Variants in ANKH observed in about 807,000 individuals in gnomAD.
ANKH encodes the protein ANKH inorganic pyrophosphate transport regulator.
In ANKH, 15 loss-of-function variants were observed where a neutral mutation model predicts 49.0. The observed-to-expected ratio is 0.31, with a 90% CI of 0.20 to 0.47. The LOEUF (loss-of-function observed/expected upper bound fraction) is 0.47, where lower values mean the gene tolerates loss of function less well. Among genes scored for constraint, ANKH ranks in the 20% least tolerant of loss-of-function variants. The probability of loss-of-function intolerance (pLI) is 1.00; values close to 1 mark genes in which losing one functional copy is unlikely to be tolerated. For synonymous variants in ANKH, 273 were observed against 260.0 expected, an observed-to-expected ratio of 1.05 and a Z score of -0.48; for missense variants, 429 against 652.0, an observed-to-expected ratio of 0.66 and a Z score of 3.72.
intron 8 of ANKH, among the ~76,000 whole-genome samples, chr5:14,724,319 AAAC>A (rs59535616): frequency 1.3e-5 from 2 of 151,386 alleles, no homozygotes; most frequent in African/African-American, 4.9e-5. Context: ...CTCTGTCTCA[AAAC>A]AACAACAACA....
chr5:14,824,294 C>T (rs1741278427), intron 1 of ANKH, among the ~76,000 whole-genome samples: 1 of 152,122 alleles, frequency 6.6e-6, no homozygotes, highest in African/African-American at 2.4e-5. Context: ...GACATGTCTG[C>T]TGCATACGAT....
At chr5:14,862,104 C>T (rs145051043) in intron 1 of ANKH, among the ~76,000 whole-genome samples, 1 of 152,300 alleles carries the variant, frequency 6.6e-6, no homozygotes, top group East Asian at 1.9e-4. Context: ...GGCATGGTGG[C>T]ACATGCCTCT....
In ANKH at chr5:14,709,786, A is replaced by G. The variant is rs1737089959; in HGVS notation, c.*1411T>C. 6.5e-6 allele frequency: 1 copy of G among 152,682 alleles called. No individual in the cohort carries two copies. The highest frequency in any genetic ancestry group is 2.4e-5 in the African/African-American group (1 of 41,474). 9.5% of individuals were successfully genotyped at this position (152,682 alleles called of 1,614,324 possible). A position where few individuals can be genotyped will look rare whatever the true frequency, so the allele number is the denominator to read the frequency against. ...CATTGATACAATACGTTTCAACTGC[A>G]GGTATGTTGAGCACACAAGCAATCA... On this transcript the variant is annotated 3_prime_UTR_variant, in exon 12 of 12. Transcript: ENST00000284268.
intron 1 of ANKH, among the ~76,000 whole-genome samples, chr5:14,793,000 AT>A (rs1195438462): frequency 3.2e-5 from 2 of 62,014 alleles, no homozygotes; most frequent in African/African-American, 1.0e-4. Flanking sequence ...AAATATATAT[AT>A]ATATAAATAT....
At chr5:14,756,825 T>A (rs901908948) in intron 3 of ANKH, among the ~76,000 whole-genome samples, 1 of 152,220 alleles carries the variant, frequency 6.6e-6, no homozygotes, top group African/African-American at 2.4e-5. Flanking sequence ...CTGGTCCTTA[T>A]AAATGTTCAT....
At chr5:14,778,417 C>T (rs1385953813) in intron 1 of ANKH, among the ~76,000 whole-genome samples, 1 of 152,142 alleles carries the variant, frequency 6.6e-6, no homozygotes, top group Non-Finnish European at 1.5e-5. Flanking sequence ...TGTCAATATC[C>T]GTCTGGTCAG....
chr5:14,789,540 CCT>C (rs1740092947), intron 1 of ANKH, among the ~76,000 whole-genome samples: 1 of 151,222 alleles, frequency 6.6e-6, no homozygotes, highest in African/African-American at 2.4e-5. Context: ...GGCTTGGTAA[CCT>C]CTCTTTAACA....
At chr5:14,746,788 G>A (rs1345973558) in intron 6 of ANKH, among the ~76,000 whole-genome samples, 1 of 152,220 alleles carries the variant, frequency 6.6e-6, no homozygotes, top group East Asian at 1.9e-4. Context: ...GATGGAGTCA[G>A]TTAAGTTAGA....
At position 14,745,853 on chromosome 5, in the gene ANKH, A is replaced by G. The variant is rs1260500403; in HGVS notation, c.915+17T>C. 2 of 1,613,134 alleles carry G rather than the reference A, an allele frequency of 1.2e-6. No individual in the cohort carries two copies. The highest frequency in any genetic ancestry group is 8.5e-7 in the Non-Finnish European group (1 of 1,179,118). On this transcript the variant is annotated intron_variant, in intron 7 of 11. Coordinates refer to ENST00000284268, the MANE Select transcript of ANKH (RefSeq NM_054027.6). The surrounding 1 kb of genome is among the most constrained non-coding windows in gnomAD (Gnocchi z 4.7). Reference sequence around the variant, plus strand: ...TTCAAAAGCATGTTTCAGACACGACACCGCACGGGTTCTCACCTTGTCGAA... The same window carrying G: ...TTCAAAAGCATGTTTCAGACACGACGCCGCACGGGTTCTCACCTTGTCGAA...
At chr5:14,790,676 C>T (rs1322438723) in intron 1 of ANKH, among the ~76,000 whole-genome samples, 3 of 152,194 alleles carry the variant, frequency 2.0e-5, no homozygotes, top group South Asian at 2.1e-4. Flanking sequence ...GGTGCGATCT[C>T]GGCTCACTGC....
intron 6 of ANKH, among the ~76,000 whole-genome samples, chr5:14,746,209 G>A (rs908674552): frequency 2.6e-5 from 4 of 152,232 alleles, no homozygotes; most frequent in East Asian, 1.9e-4. Flanking sequence ...CAAAGTGGAC[G>A]TGAAACGAGG....
At chr5:14,868,488 C>T (rs1342728967) in intron 1 of ANKH, 1 of 151,210 alleles carries the variant, frequency 6.6e-6, no homozygotes, top group Non-Finnish European at 1.5e-5. Context: ...ACCCCTGCCT[C>T]CTGGGGTTCA....
chr5:14,808,984 C>T (rs1740788054), intron 1 of ANKH, among the ~76,000 whole-genome samples: 4 of 97,430 alleles, frequency 4.1e-5, no homozygotes, highest in African/African-American at 1.6e-4. Flanking sequence ...CACATATACA[C>T]CATGGAATAC....
rs73750276 is a variant in ANKH, at chr5:14,812,769, T to C, written c.97-43578A>G. Reference sequence around the variant, plus strand: ...GTTAATAAAGTCTTCCTTACAGTTTTAGTAAGTGTCAGAATAATTTTTTTC... The same window carrying C: ...GTTAATAAAGTCTTCCTTACAGTTTCAGTAAGTGTCAGAATAATTTTTTTC... On this transcript the variant is annotated intron_variant, in intron 1 of 11. Coordinates refer to ENST00000284268, the MANE Select transcript of ANKH (RefSeq NM_054027.6). Among the ~76,000 whole-genome samples the C allele has an allele frequency of 1.4e-3, 220 of 152,332 alleles. 1 individual carries two copies. The highest frequency in any genetic ancestry group is 5.2e-3 in the African/African-American group (215 of 41,560).
At chr5:14,867,558 T>TC (rs2126637021) in intron 1 of ANKH, among the ~76,000 whole-genome samples, 1 of 151,524 alleles carries the variant, frequency 6.6e-6, no homozygotes, top group South Asian at 2.1e-4. Flanking sequence ...GTTCCCATTT[T>TC]CTTTTTTTTT....
intron 8 of ANKH, among the ~76,000 whole-genome samples, chr5:14,718,486 A>G (rs553614254): frequency 6.6e-6 from 1 of 152,342 alleles, no homozygotes; most frequent in Admixed American, 6.5e-5. Context: ...CACTGCACCC[A>G]TGAAACAAGA....
At chr5:14,816,795 C>T (rs1741052399) in intron 1 of ANKH, among the ~76,000 whole-genome samples, 1 of 152,112 alleles carries the variant, frequency 6.6e-6, no homozygotes, top group Admixed American at 6.5e-5. Flanking sequence ...ACACTGCAAG[C>T]CACGAGCTTT....
chr5:14,716,878 A>AAGCAGGTGAAATGAGCAG (rs1462360848), intron 8 of ANKH, 43 bp from the exon 9 acceptor site: 14 of 1,609,696 alleles, frequency 8.7e-6, no homozygotes, highest in African/African-American at 1.3e-5. Flanking sequence ...GAAAAAGTGT[A>AAGCAGGTGAAATGAGCAG]AGCAGGTGAA....
At chr5:14,856,841 C>G (rs1735278797) in intron 1 of ANKH, among the ~76,000 whole-genome samples, 1 of 152,164 alleles carries the variant, frequency 6.6e-6, no homozygotes, top group Non-Finnish European at 1.5e-5. Context: ...ATGCCAGAAG[C>G]TATTCACCTA....
Sources: allele counts gnomAD v4.1 joint callset (sites outside exome capture counted in the v4.1 genomes callset), GRCh38; gene constraint gnomAD v4.1.1; non-coding constraint Gnocchi (gnomAD v3.1); transcripts MANE v1.5; gene names NCBI Gene and HGNC (gene_info 2026-07-23, HGNC 2026-07-21).